Variants in ROBO1 observed in about 807,000 individuals in gnomAD.
ROBO1 encodes roundabout guidance receptor 1, also known as roundabout homolog 1.
In ROBO1, 149 loss-of-function variants were observed where a neutral mutation model predicts 195.9. The observed-to-expected ratio is 0.76, with a 90% CI of 0.67 to 0.87. The LOEUF is 0.87. Among genes scored for constraint, ROBO1 ranks in the 40% least tolerant of loss-of-function variants. ROBO1 has a pLI of 0.00. For synonymous variants in ROBO1, 816 were observed against 733.2 expected (o/e 1.11, Z -1.82); for missense variants, 1,933 against 2,068.3 (o/e 0.93, Z 1.27).
Position 78,843,028 on chromosome 3 carries a change from G to A in ROBO1, c.499+95573C>T, listed in dbSNP as rs192203803. On this transcript the variant is annotated intron_variant, in intron 4 of 30. Coordinates refer to ENST00000464233, the MANE Select transcript of ROBO1 (RefSeq NM_002941.4). The stretch of plus-strand genomic sequence containing the variant: ...TATTGAATACTATACAGCTCAATAC[G>A]ATTGAAGTTTATTATGCACTGATAT... Among the ~76,000 whole-genome samples, 4 of 152,138 alleles carry A rather than the reference G, an allele frequency of 2.6e-5. No homozygotes were observed. The East Asian group carries it at 5.8e-4, about 22-fold the overall frequency.
chr3:78,934,675 C>T (rs556348211), intron 4 of ROBO1, among the ~76,000 whole-genome samples: 3 of 152,032 alleles, frequency 2.0e-5, no homozygotes, highest in East Asian at 3.9e-4. Flanking sequence ...CAGGGATTCT[C>T]ATCTATTCCA....
intron 2 of ROBO1, among the ~76,000 whole-genome samples, chr3:79,510,581 G>T: frequency 1.4e-5 from 2 of 144,790 alleles, no homozygotes; most frequent in African/African-American, 2.5e-5. Context: ...GGGTCAAGTT[G>T]GAGGATATTT....
At chr3:78,823,469 A>G (rs947611297) in intron 4 of ROBO1, among the ~76,000 whole-genome samples, 1 of 152,206 alleles carries the variant, frequency 6.6e-6, no homozygotes, top group Non-Finnish European at 1.5e-5. Context: ...ATGCTCATCA[A>G]ATAACTCAAA....
chr3:78,954,312 A>T (rs2040933463), intron 3 of ROBO1, among the ~76,000 whole-genome samples: 1 of 152,020 alleles, frequency 6.6e-6, no homozygotes, highest in Non-Finnish European at 1.5e-5. Context: ...TCAAAATTTT[A>T]AAGACACACT....
At position 78,639,896 on chromosome 3, in the gene ROBO1, G is replaced by A. The variant is rs750750505; in HGVS notation, c.2885C>T (p.Pro962Leu). 1.3e-6 allele frequency: 2 copies of A among 1,549,382 alleles called. No homozygotes were observed. Residue 962 changes from proline to leucine, a missense_variant and splice_region_variant, in exon 22 of 31, where the codon CCT becomes CTT. Transcript: ENST00000464233. ...AGGTTCACTGATGTTGAGAAGTCCA[G>A]GCCTAAATAAAAAAAAAATATTAAA... ...GGEAVSSGGR[P>L]GLLNISEPAA...
chr3:79,328,179 A>G (rs1198864086), intron 2 of ROBO1, among the ~76,000 whole-genome samples: 1 of 152,222 alleles, frequency 6.6e-6, no homozygotes, highest in African/African-American at 2.4e-5. Context: ...ATTATAAACT[A>G]TTTCAATGAA....
chr3:78,669,489 T>TA (rs1195441651), intron 11 of ROBO1, among the ~76,000 whole-genome samples: 3 of 152,082 alleles, frequency 2.0e-5, no homozygotes, highest in Non-Finnish European at 4.4e-5. Context: ...GATCTTGACA[T>TA]AAAAAAAGAA....
rs1166250669 is a variant in ROBO1, at chr3:78,673,562, T to TTATATATATA, written c.1343-3271_1343-3262dup. Among the ~76,000 whole-genome samples the TTATATATATA allele has an allele frequency of 1.2e-3, 74 of 63,340 alleles. 1 individual carries two copies. The highest frequency in any genetic ancestry group is 3.4e-3 in the South Asian group (6 of 1,742). 41.6% of individuals were successfully genotyped at this position (63,340 alleles called of 152,430 possible). A position where few individuals can be genotyped will look rare whatever the true frequency, so the allele number is the denominator to read the frequency against. On this transcript the variant is annotated intron_variant, in intron 10 of 30. Coordinates refer to ENST00000464233, the MANE Select transcript of ROBO1 (RefSeq NM_002941.4). The stretch of plus-strand genomic sequence containing the variant: ...ATATTACAGCTAGGTTACATATATT[T>TTATATATATA]TATATATATATATATATATATATAT...
intron 8 of ROBO1, among the ~76,000 whole-genome samples, chr3:78,712,034 A>C (rs201015669): frequency 5.4e-5 from 6 of 111,806 alleles, no homozygotes; most frequent in East Asian, 2.5e-4. Flanking sequence ...AAAAAAAAAA[A>C]AAAAAAAAAA....
At chr3:79,653,900 T>TGGAA (rs1946085368) in intron 1 of ROBO1, among the ~76,000 whole-genome samples, 1 of 152,014 alleles carries the variant, frequency 6.6e-6, no homozygotes, top group South Asian at 2.1e-4. Flanking sequence ...AACTGAAGAT[T>TGGAA]GGAAGTTCCT....
intron 2 of ROBO1, among the ~76,000 whole-genome samples, chr3:79,207,809 G>A (rs1050879022): frequency 4.7e-5 from 7 of 148,906 alleles, no homozygotes; most frequent in African/African-American, 1.5e-4. Context: ...AAAATCCATC[G>A]ACTTCGGTTC....
At chr3:79,737,279 G>T (rs1396572721) in intron 1 of ROBO1, among the ~76,000 whole-genome samples, 1 of 152,084 alleles carries the variant, frequency 6.6e-6, no homozygotes, top group Non-Finnish European at 1.5e-5. Flanking sequence ...TAATAAGCAG[G>T]ACAAAGAAAG....
intron 2 of ROBO1, among the ~76,000 whole-genome samples, chr3:79,396,190 A>T (rs2037147709): frequency 6.6e-6 from 1 of 152,148 alleles, no homozygotes; most frequent in South Asian, 2.1e-4. Context: ...TATGGTGTTT[A>T]AAAGAACAAC....
rs193213001 is a variant in ROBO1 at position 79,480,105 on chromosome 3, T to C, written c.88+109719A>G. The stretch of plus-strand genomic sequence containing the variant: ...TGTACAAAATTACAACTGATCTTCA[T>C]AGTCAGTGTTACCTGGTTTTAACTA... On this transcript the variant is annotated intron_variant, in intron 2 of 30. Transcript: ENST00000464233. 6.6e-3 allele frequency among the ~76,000 whole-genome samples: 1,004 copies of C among 152,302 alleles called. 14 individuals are homozygous for C. The highest frequency in any genetic ancestry group is 7.7e-3 in the Non-Finnish European group (523 of 68,004).
intron 2 of ROBO1, among the ~76,000 whole-genome samples, chr3:79,338,689 T>C (rs1024840523): frequency 1.8e-4 from 28 of 152,154 alleles, no homozygotes; most frequent in Admixed American, 1.6e-3. Context: ...GCTGGTAACT[T>C]CTCAGCTTCT....
At chr3:79,081,655 C>G (rs2079277042) in intron 3 of ROBO1, among the ~76,000 whole-genome samples, 1 of 152,166 alleles carries the variant, frequency 6.6e-6, no homozygotes, top group Non-Finnish European at 1.5e-5. Context: ...CACAAGAAAG[C>G]TGACATAGTG....
chr3:78,613,720 G>A (rs1468175414), intron 28 of ROBO1, among the ~76,000 whole-genome samples: 2 of 152,150 alleles, frequency 1.3e-5, no homozygotes, highest in Non-Finnish European at 2.9e-5. Context: ...GGAATCATAG[G>A]GAGAAGTACC....
intron 10 of ROBO1, among the ~76,000 whole-genome samples, chr3:78,681,499 C>G (rs934259000): frequency 6.6e-6 from 1 of 152,130 alleles, no homozygotes; most frequent in Non-Finnish European, 1.5e-5. Flanking sequence ...AGGATGCAAT[C>G]TATGTTTATA....
chr3:79,451,901 G>A (rs914184946), intron 2 of ROBO1, among the ~76,000 whole-genome samples: 1 of 151,752 alleles, frequency 6.6e-6, no homozygotes, highest in Admixed American at 6.6e-5. Context: ...ACTTTCTGCT[G>A]TTAGGTCCGT....
Sources: gnomAD v4.1 joint callset for allele counts (sites outside exome capture counted in the v4.1 genomes callset) on GRCh38, gnomAD v4.1.1 for gene constraint, MANE v1.5 for transcripts, NCBI Gene and HGNC (gene_info 2026-07-23, HGNC 2026-07-21) for gene names.